The following CYP2S1 variants were observed in gnomAD, a reference collection of about 807,000 sequenced individuals.
CYP2S1 encodes the protein cytochrome P450 2S1.
CYP2S1 carries 32 observed loss-of-function variants against 43.5 expected under a neutral mutation model. The observed-to-expected ratio is 0.74, with a 90% CI of 0.56 to 0.99. CYP2S1 has a LOEUF of 0.99. Ranked by LOEUF, CYP2S1 falls within the 50% of genes least tolerant of loss-of-function variation. The pLI, the probability that CYP2S1 is intolerant of heterozygous loss-of-function variation, is 0.00. For missense variants in CYP2S1, 575 were observed against 673.9 expected, an observed-to-expected ratio of 0.85 and a Z score of 1.62; for synonymous variants, 283 against 302.9, an observed-to-expected ratio of 0.93 and a Z score of 0.68.
chr19:41,197,616 C>T (rs2033428660), intron 2 of CYP2S1, among the ~76,000 whole-genome samples, 163 bp from the exon 3 acceptor site: 3 of 151,774 alleles, frequency 2.0e-5, no homozygotes, highest in African/African-American at 7.3e-5. Context: ...AGGAGAATTG[C>T]TTGAACCCGG....
chr19:41,201,122 A>C, intron 5 of CYP2S1, 109 bp from the exon 6 acceptor site: 182 of 1,424,700 alleles, frequency 1.3e-4, no homozygotes, highest in Non-Finnish European at 1.6e-4. Context: ...ATTTATCTAA[A>C]CCCCGTGACA....
chr19:41,206,851 CCACACATGTTCACAGCT>C lies in CYP2S1; in HGVS notation c.*369_*385del, dbSNP rs1416853342. On this transcript the variant is annotated 3_prime_UTR_variant, in exon 9 of 9. Coordinates refer to ENST00000310054, the MANE Select transcript of CYP2S1 (RefSeq NM_030622.8). ...TCACCTTCACAAGCCACAGAAACGGCCACACATGTTCACAGCTCACACGCCCTCTCCATTCATCGAAC... is the reference window on the plus strand; with the variant it reads ...TCACCTTCACAAGCCACAGAAACGGCCACACGCCCTCTCCATTCATCGAAC... 1.2e-5 allele frequency: 6 copies of C among 482,572 alleles called. No individual in the cohort carries two copies. The highest frequency in any genetic ancestry group is 4.6e-5 in the Admixed American group (2 of 43,256). The allele number at this position is 482,572 out of a possible 1,614,324, so 29.9% of individuals were successfully genotyped here. A position where few individuals can be genotyped will look rare whatever the true frequency, so the allele number is the denominator to read the frequency against.
rs758456211 is a variant in CYP2S1, at chr19:41,206,681, C to T, written c.*193C>T. On this transcript the variant is annotated 3_prime_UTR_variant, in exon 9 of 9. Transcript: ENST00000310054. The stretch of plus-strand genomic sequence containing the variant: ...TGCTGCTAAGATGCACAACCGCACA[C>T]CCATACACAACTACAAGGGCCACAA... 6 of 800,758 alleles carry T rather than the reference C, an allele frequency of 7.5e-6. No homozygotes were observed. The East Asian group carries it at 1.2e-4, about 16-fold the overall frequency. The allele number at this position is 800,758 out of a possible 1,614,324, so 49.6% of individuals were successfully genotyped here.
At position 41,203,773 on chromosome 19, in the gene CYP2S1, C is replaced by G; in HGVS notation, c.1164+136C>G. The G allele has an allele frequency of 3.2e-6, 3 of 936,470 alleles. No homozygotes were observed. The East Asian group carries it at 9.4e-5, about 29-fold the overall frequency. The allele number at this position is 936,470 out of a possible 1,614,324, so 58.0% of individuals were successfully genotyped here. A position where few individuals can be genotyped will look rare whatever the true frequency, so the allele number is the denominator to read the frequency against. ...TCTCTCTCTGTCTTTATCTCCCTCT[C>G]TTTCTCTGTCTCTGTCTTCCTCCTC... is the stretch of plus-strand genomic sequence containing the variant. On this transcript the variant is annotated intron_variant, in intron 7 of 8. Transcript: ENST00000310054.
rs78853619 is a variant in CYP2S1, at chr19:41,201,424, G to A, written c.976+52G>A. Reference sequence around the variant, plus strand: ...CTTGGGAACAGAAGTCAGGGTTCTAGGCTGAGCAAGGTGGCTCACGCCTAT... The same window carrying A: ...CTTGGGAACAGAAGTCAGGGTTCTAAGCTGAGCAAGGTGGCTCACGCCTAT... On this transcript the variant is annotated intron_variant, in intron 6 of 8. Transcript: ENST00000310054. 4.4e-3 allele frequency: 6,954 copies of A among 1,589,828 alleles called. 270 individuals carry two copies. In the African/African-American group the frequency reaches 0.078, roughly 18 times the overall value.
At chr19:41,202,746 C>T (rs1226926948) in intron 6 of CYP2S1, among the ~76,000 whole-genome samples, 1 of 151,276 alleles carries the variant, frequency 6.6e-6, no homozygotes, top group African/African-American at 2.4e-5. Context: ...TACAGTGAGC[C>T]GTCATTGTAC....
Position 41,198,526 on chromosome 19 carries a change from C to T in CYP2S1, c.558C>T (p.Leu186=). 6.2e-7 allele frequency: 1 copy of T among 1,614,204 alleles called. No individual in the cohort carries two copies. The highest frequency in any genetic ancestry group is 1.1e-5 in the South Asian group (1 of 91,092). ...CCTCCAACGTAGTCTGCTCCCTCCTCTTTGGCCTCCGCTTCTCCTATGAGG... is the reference window on the plus strand; with the variant it reads ...CCTCCAACGTAGTCTGCTCCCTCCTTTTTGGCCTCCGCTTCTCCTATGAGG... The part of the protein sequence containing the change: ...QATSNVVCSL[L]FGLRFSYEDK... The change falls in exon 4 of 9, where the codon CTC becomes CTT. Residue 186 remains leucine (L), a synonymous_variant. Coordinates refer to ENST00000310054, the MANE Select transcript of CYP2S1 (RefSeq NM_030622.8). This position sits in a 1 kb window ranked among gnomAD's most constrained non-coding sequence, Gnocchi z 4.9.
At position 41,194,661 on chromosome 19, in the gene CYP2S1, AGCG is replaced by A; in HGVS notation, c.298_300del (p.Gly100del). On this transcript the variant is annotated inframe_deletion, in exon 2 of 9. Coordinates refer to ENST00000310054, the MANE Select transcript of CYP2S1 (RefSeq NM_030622.8). Reference sequence around the variant, plus strand: ...CCTGGGAGGTCAGGCTGAGGAGTTCAGCGGCCGGGGAACCGTAGCGATGCTGGA... The same window carrying A: ...CCTGGGAGGTCAGGCTGAGGAGTTCAGCCGGGGAACCGTAGCGATGCTGGA... 2 of 1,612,294 alleles carry A rather than the reference AGCG, an allele frequency of 1.2e-6. No homozygotes were observed. Among genetic ancestry groups the A allele is most frequent in the Non-Finnish European group, 1.7e-6 (2 of 1,179,244 alleles).
At position 41,201,314 on chromosome 19, in the gene CYP2S1, G is replaced by T. The variant is rs766003336; in HGVS notation, c.918G>T (p.Thr306=). ...VIYLLFAGTM[T]VSTTVGYTLL... is the part of the protein sequence containing the mutation. Reference sequence around the variant, plus strand: ...ATTTGCTGTTTGCTGGGACGATGACGGTCAGCACCACGGTCGGCTATACCC... The same window carrying T: ...ATTTGCTGTTTGCTGGGACGATGACTGTCAGCACCACGGTCGGCTATACCC... Residue 306 remains threonine (T), a synonymous_variant, in exon 6 of 9, where the codon ACG becomes ACT. Coordinates refer to ENST00000310054, the MANE Select transcript of CYP2S1 (RefSeq NM_030622.8). The T allele has an allele frequency of 6.2e-6, 10 of 1,613,996 alleles. No homozygotes were observed. In the African/African-American group the frequency reaches 1.3e-4, roughly 22 times the overall value.
In CYP2S1 at chr19:41,198,541, C is replaced by T. The variant is rs2033445124; in HGVS notation, c.573C>T (p.Phe191=). The T allele has an allele frequency of 3.1e-6, 5 of 1,614,216 alleles. No homozygotes were observed. The highest frequency in any genetic ancestry group is 4.2e-6 in the Non-Finnish European group (5 of 1,180,034). Residue 191 remains phenylalanine, a synonymous_variant, in exon 4 of 9, where the codon TTC becomes TTT. Transcript: ENST00000310054. The surrounding 1 kb of genome is among the most constrained non-coding windows in gnomAD (Gnocchi z 4.9). ...GCTCCCTCCTCTTTGGCCTCCGCTT[C>T]TCCTATGAGGATAAGGAGTTCCAGG... ...VVCSLLFGLR[F]SYEDKEFQAV...
intron 7 of CYP2S1, among the ~76,000 whole-genome samples, chr19:41,205,384 C>CTTTCTT (rs1568402554): frequency 7.2e-3 from 263 of 36,334 alleles, no homozygotes; most frequent in African/African-American, 0.014. Flanking sequence ...CTTTCTTTCT[C>CTTTCTT]TCTCTCTCTT....
chr19:41,198,376 GTC>G lies in CYP2S1; in HGVS notation c.494-78_494-77del. The G allele has an allele frequency of 6.5e-7, 1 of 1,541,552 alleles. No homozygotes were observed. Among genetic ancestry groups the G allele is most frequent in the East Asian group, 2.2e-5 (1 of 44,546 alleles). ...TCCATCCATCTTTCCCTGCCTCCCT[GTC>G]TCTCTCTGGTTGGGTTCAGCTCCAA... On this transcript the variant is annotated intron_variant, in intron 3 of 8. Transcript: ENST00000310054. This position sits in a 1 kb window ranked among gnomAD's most constrained non-coding sequence, Gnocchi z 4.9.
intron 6 of CYP2S1, 74 bp from the exon 7 acceptor site, chr19:41,203,376 A>C (rs2033515887): frequency 2.1e-6 from 3 of 1,450,002 alleles, no homozygotes; most frequent in Non-Finnish European, 2.7e-6. Flanking sequence ...ACAGCTATGC[A>C]AGCAGATGGG....
intron 5 of CYP2S1, among the ~76,000 whole-genome samples, chr19:41,200,786 A>T (rs1231032668): frequency 6.6e-6 from 1 of 152,172 alleles, no homozygotes; most frequent in Non-Finnish European, 1.5e-5. Context: ...AGATGTGGAG[A>T]CTTTGAAACC....
At chr19:41,204,359 C>T (rs552813663) in intron 7 of CYP2S1, among the ~76,000 whole-genome samples, 1 of 152,074 alleles carries the variant, frequency 6.6e-6, no homozygotes, top group Admixed American at 6.6e-5. Context: ...AAGGGAAGCC[C>T]TCTTGACCCT....
Position 41,194,580 on chromosome 19 carries a change from C to T in CYP2S1, c.214C>T (p.Leu72=). 1 of 1,609,920 alleles carries T rather than the reference C, an allele frequency of 6.2e-7. No homozygotes were observed. The highest frequency in any genetic ancestry group is 8.5e-7 in the Non-Finnish European group (1 of 1,178,496). The change falls in exon 2 of 9, where the codon CTG becomes TTG. Residue 72 remains leucine, a synonymous_variant. Coordinates refer to ENST00000310054, the MANE Select transcript of CYP2S1 (RefSeq NM_030622.8). ...KKYGPVFTIY[L]GPWRPVVVLV... Reference sequence around the variant, plus strand: ...GTACGGACCGGTGTTCACCATCTACCTGGGACCCTGGCGGCCTGTGGTGGT... The same window carrying T: ...GTACGGACCGGTGTTCACCATCTACTTGGGACCCTGGCGGCCTGTGGTGGT...
chr19:41,201,638 A>T (rs2033490984), intron 6 of CYP2S1, among the ~76,000 whole-genome samples: 1 of 152,030 alleles, frequency 6.6e-6, no homozygotes, highest in South Asian at 2.1e-4. Flanking sequence ...CAGGAGGTAG[A>T]AGTTGCAGTG....
intron 6 of CYP2S1, among the ~76,000 whole-genome samples, chr19:41,202,817 A>G (rs1212375013): frequency 6.8e-6 from 1 of 146,840 alleles, no homozygotes; most frequent in Non-Finnish European, 1.5e-5. Flanking sequence ...AGAGAGAGAG[A>G]AGGCCAGGTA....
In CYP2S1 at chr19:41,205,436, C is replaced by G. The variant is rs555505412; in HGVS notation, c.1165-522C>G. Among the ~76,000 whole-genome samples, 186 of 110,628 alleles carry G rather than the reference C, an allele frequency of 1.7e-3. 1 individual carries two copies. The highest frequency in any genetic ancestry group is 7.3e-3 in the African/African-American group (182 of 25,068). 72.6% of individuals were successfully genotyped at this position (110,628 alleles called of 152,430 possible). A position where few individuals can be genotyped will look rare whatever the true frequency, so the allele number is the denominator to read the frequency against. On this transcript the variant is annotated intron_variant, in intron 7 of 8. Coordinates refer to ENST00000310054, the MANE Select transcript of CYP2S1 (RefSeq NM_030622.8). ...TCTTTCTTTCTCTCTCTCTCTCTTT[C>G]TTTCTTTTCTTTTTCTTTCTCTCTC...
Sources: allele counts gnomAD v4.1 joint callset (sites outside exome capture counted in the v4.1 genomes callset), GRCh38; gene constraint gnomAD v4.1.1; non-coding constraint Gnocchi (gnomAD v3.1); transcripts MANE v1.5; gene names NCBI Gene and HGNC (gene_info 2026-07-23, HGNC 2026-07-21).